The following DCAF5 variants were observed in gnomAD, a reference collection of about 807,000 sequenced individuals.
The protein encoded by DCAF5 is DDB1 and CUL4 associated factor 5.
In DCAF5, 9 loss-of-function variants were observed where a neutral mutation model predicts 80.7. The observed-to-expected ratio is 0.11, with a 90% CI of 0.07 to 0.19. The LOEUF (loss-of-function observed/expected upper bound fraction) is 0.19. DCAF5 is among the 10% of genes least tolerant of loss of function. The probability of loss-of-function intolerance (pLI) is 1.00; values close to 1 mark genes in which losing one functional copy is unlikely to be tolerated. For synonymous variants in DCAF5, 433 were observed against 461.9 expected (o/e 0.94, Z 0.80); for missense variants, 842 against 1,205.7 (o/e 0.70, Z 4.47).
At chr14:69,075,444 T>C in intron 6 of DCAF5, 33 bp from the exon 7 acceptor site, 5 of 1,295,764 alleles carry the variant, frequency 3.9e-6, no homozygotes, top group Non-Finnish European at 5.2e-6. Context: ...GATAACATTA[T>C]ATATTATAAT....
At chr14:69,078,739 C>T (rs1336124800) in intron 6 of DCAF5, among the ~76,000 whole-genome samples, 1 of 152,078 alleles carries the variant, frequency 6.6e-6, no homozygotes, top group Non-Finnish European at 1.5e-5. Flanking sequence ...GTTGCCAGGG[C>T]CTAGTGGCAG....
Position 69,064,754 on chromosome 14 carries a change from G to A in DCAF5, c.947-2243C>T, listed in dbSNP as rs546861288. ...CATTTCATCACACCACTGACACTGA[G>A]TACATGATGAGAATAGAACTGGATC... On this transcript the variant is annotated intron_variant, in intron 7 of 8. Transcript: ENST00000341516. Among the ~76,000 whole-genome samples the A allele has an allele frequency of 2.4e-4, 37 of 152,344 alleles. No individual in the cohort carries two copies. In the South Asian group the frequency reaches 4.8e-3, roughly 20 times the overall value.
At chr14:69,104,895 A>G (rs2040083985) in intron 5 of DCAF5, among the ~76,000 whole-genome samples, 1 of 152,006 alleles carries the variant, frequency 6.6e-6, no homozygotes, top group Non-Finnish European at 1.5e-5. Flanking sequence ...GTACCTACAA[A>G]CTAAAAAGAC....
At chr14:69,140,688 A>G (rs992536126) in intron 1 of DCAF5, among the ~76,000 whole-genome samples, 2 of 152,232 alleles carry the variant, frequency 1.3e-5, no homozygotes, top group African/African-American at 4.8e-5. Flanking sequence ...GATGATGTAT[A>G]TAGAAAGGAT....
At chr14:69,142,569 C>T (rs1024275064) in intron 1 of DCAF5, among the ~76,000 whole-genome samples, 3 of 151,982 alleles carry the variant, frequency 2.0e-5, no homozygotes, top group Non-Finnish European at 2.9e-5. Context: ...ACAGGCTTAT[C>T]ATCTGGTCTA....
chr14:69,128,463 G>A (rs982528181), intron 1 of DCAF5, among the ~76,000 whole-genome samples: 3 of 152,194 alleles, frequency 2.0e-5, no homozygotes, highest in Non-Finnish European at 2.9e-5. Flanking sequence ...TGGGATTACA[G>A]GCGTGAGCCT....
Position 69,091,639 on chromosome 14 carries a change from A to T in DCAF5, c.879+35T>A, listed in dbSNP as rs371394617. 12 of 1,573,854 alleles carry T rather than the reference A, an allele frequency of 7.6e-6. No homozygotes were observed. In the African/African-American group the frequency reaches 1.3e-4, roughly 18 times the overall value. On this transcript the variant is annotated intron_variant, in intron 6 of 8. Transcript: ENST00000341516. ...AGAAAGAACAATCAGAAAGAAAAGC[A>T]TAAGTGTGAGATGCAGGAGGCAGAC... is the stretch of plus-strand genomic sequence containing the variant.
intron 1 of DCAF5, among the ~76,000 whole-genome samples, chr14:69,137,149 G>T (rs1390390182): frequency 6.6e-6 from 1 of 152,158 alleles, no homozygotes; most frequent in Non-Finnish European, 1.5e-5. Flanking sequence ...CTGATGACTT[G>T]TATGATTTCA....
In DCAF5 at chr14:69,119,249, G is replaced by GACATCT. The variant is rs778103858; in HGVS notation, c.359-25_359-20dup. 1 of 1,612,778 alleles carries GACATCT rather than the reference G, an allele frequency of 6.2e-7. No homozygotes were observed. Among genetic ancestry groups the GACATCT allele is most frequent in the South Asian group, 1.1e-5 (1 of 90,746 alleles). On this transcript the variant is annotated intron_variant, in intron 2 of 8. Coordinates refer to ENST00000341516, the MANE Select transcript of DCAF5 (RefSeq NM_003861.3). ...TCATTGCCTGCAAAAGAAAAAAGCA[G>GACATCT]ACATCTGATCATTCGTGCAAGGTGG...
chr14:69,110,136 T>C (rs188380508), intron 5 of DCAF5, among the ~76,000 whole-genome samples: 58 of 152,310 alleles, frequency 3.8e-4, no homozygotes, highest in African/African-American at 1.3e-3. Context: ...CTGTTCAACA[T>C]TTCTGCTCAT....
chr14:69,138,954 T>G (rs1395059799), intron 1 of DCAF5, among the ~76,000 whole-genome samples: 1 of 152,140 alleles, frequency 6.6e-6, no homozygotes, highest in Non-Finnish European at 1.5e-5. Context: ...AAAGTCAGCC[T>G]GGGCAACATG....
chr14:69,090,652 T>C lies in DCAF5; in HGVS notation c.879+1022A>G, dbSNP rs1214964418. 2 of 155,730 alleles carry C rather than the reference T, an allele frequency of 1.3e-5. 1 individual carries two copies. Among genetic ancestry groups the C allele is most frequent in the East Asian group, 3.7e-4 (2 of 5,340 alleles). 9.6% of individuals were successfully genotyped at this position (155,730 alleles called of 1,614,324 possible). On this transcript the variant is annotated intron_variant, in intron 6 of 8. Transcript: ENST00000341516. ...CCCATCTAAGGAGAAAAATCCTAGC[T>C]TTTACTTCAAAAAGCGAGGTCTTGC...
At position 69,152,984 on chromosome 14, in the gene DCAF5, A is replaced by AACC. The variant is rs748027057; in HGVS notation, c.-9_-7dup. 2.9e-4 allele frequency: 446 copies of AACC among 1,560,164 alleles called. No individual in the cohort carries two copies. Among genetic ancestry groups the AACC allele is most frequent in the Middle Eastern group, 1.6e-3 (7 of 4,398 alleles). On this transcript the variant is annotated 5_prime_UTR_variant, in exon 1 of 9. Transcript: ENST00000341516. This position sits in a 1 kb window ranked among gnomAD's most constrained non-coding sequence, Gnocchi z 4.1. The stretch of plus-strand genomic sequence containing the variant: ...AGGCCAGCTCTCCTCTTCATGCTGG[A>AACC]ACCGCCGCCGCCGCCGCTCGCGCCG...
At chr14:69,106,335 C>T (rs1259342581) in intron 5 of DCAF5, among the ~76,000 whole-genome samples, 1 of 152,050 alleles carries the variant, frequency 6.6e-6, no homozygotes, top group African/African-American at 2.4e-5. Flanking sequence ...GGATTACAGG[C>T]ATGAGCCACC....
At chr14:69,089,643 C>A (rs570698995) in intron 6 of DCAF5, 2 of 152,310 alleles carry the variant, frequency 1.3e-5, no homozygotes, top group Admixed American at 1.3e-4. Context: ...AGGACTATCA[C>A]AAAATACCTT....
chr14:69,074,774 C>G (rs2038835678), intron 7 of DCAF5, among the ~76,000 whole-genome samples: 1 of 152,068 alleles, frequency 6.6e-6, no homozygotes, highest in Non-Finnish European at 1.5e-5. Context: ...TGGCTCACAC[C>G]TGTAATGCCA....
At chr14:69,099,424 T>C (rs2039873366) in intron 5 of DCAF5, among the ~76,000 whole-genome samples, 1 of 151,856 alleles carries the variant, frequency 6.6e-6, no homozygotes, top group African/African-American at 2.4e-5. Flanking sequence ...AATAGTAAGC[T>C]TGGAGAGCAT....
At position 69,091,899 on chromosome 14, in the gene DCAF5, A is replaced by G; in HGVS notation, c.666-12T>C. 1 of 1,601,740 alleles carries G rather than the reference A, an allele frequency of 6.2e-7. No homozygotes were observed. Among genetic ancestry groups the G allele is most frequent in the Non-Finnish European group, 8.5e-7 (1 of 1,172,594 alleles). On this transcript the variant is annotated splice_polypyrimidine_tract_variant and intron_variant, in intron 5 of 8. Coordinates refer to ENST00000341516, the MANE Select transcript of DCAF5 (RefSeq NM_003861.3). Reference sequence around the variant, plus strand: ...AGCGCAGGAGAGAACTGGAAGGCACAAGGCACAGGAATCAGGCATGAGATA... The same window carrying G: ...AGCGCAGGAGAGAACTGGAAGGCACGAGGCACAGGAATCAGGCATGAGATA...
intron 2 of DCAF5, among the ~76,000 whole-genome samples, 182 bp downstream of exon 2, chr14:69,122,035 A>G (rs1566774201): frequency 2.6e-5 from 4 of 152,200 alleles, no homozygotes; most frequent in Admixed American, 1.3e-4. Context: ...AAGAGAAGAG[A>G]GAAAAGACAC....
Sources: gnomAD v4.1 joint callset for allele counts (sites outside exome capture counted in the v4.1 genomes callset) on GRCh38, gnomAD v4.1.1 for gene constraint, Gnocchi (gnomAD v3.1) non-coding constraint, MANE v1.5 for transcripts, NCBI Gene and HGNC (gene_info 2026-07-23, HGNC 2026-07-21) for gene names.